The following CDAN1 variants were observed in gnomAD, a reference collection of about 807,000 sequenced individuals.
CDAN1 encodes codanin-1.
A neutral mutation model predicts 139.8 loss-of-function variants in CDAN1; 107 were observed. The observed-to-expected ratio is 0.77, with a 90% CI of 0.65 to 0.90. The LOEUF (loss-of-function observed/expected upper bound fraction) is 0.90. Ranked by LOEUF, CDAN1 falls within the 40% of genes least tolerant of loss-of-function variation. CDAN1 has a pLI of 0.00. For synonymous variants in CDAN1, 776 were observed against 660.6 expected (o/e 1.17, Z -2.68); for missense variants, 1,667 against 1,575.7 (o/e 1.06, Z -0.98).
Position 42,729,305 on chromosome 15 carries a change from C to T in CDAN1, c.2465G>A (p.Gly822Asp). Reference protein sequence around the residue: ...WVSGSSGRSGGFMRKITPTTT... With the variant: ...WVSGSSGRSGDFMRKITPTTT... Reference sequence around the variant, plus strand: ...GGTGGGGGTGATTTTCCTCATGAAGCCCCCACTCCGTCCACTACTGCCTGA... The same window carrying T: ...GGTGGGGGTGATTTTCCTCATGAAGTCCCCACTCCGTCCACTACTGCCTGA... The change falls in exon 18 of 28, where the codon GGC becomes GAC. Residue 822 changes from glycine to aspartate, a missense_variant. Coordinates refer to ENST00000356231, the MANE Select transcript of CDAN1 (RefSeq NM_138477.4). The T allele has an allele frequency of 6.2e-7, 1 of 1,614,014 alleles. No homozygotes were observed. Among genetic ancestry groups the T allele is most frequent in the Middle Eastern group, 1.6e-4 (1 of 6,062 alleles).
chr15:42,735,415 T>A, intron 4 of CDAN1, 41 bp from the exon 5 acceptor site: 1 of 1,592,010 alleles, frequency 6.3e-7, no homozygotes, highest in Non-Finnish European at 8.6e-7. Flanking sequence ...ATGGGCACCA[T>A]TTGGAGCCAA....
In CDAN1 at chr15:42,731,729, G is replaced by A. The variant is rs1360464156; in HGVS notation, c.1630C>T (p.Arg544Cys). The A allele has an allele frequency of 2.5e-6, 4 of 1,614,122 alleles. No individual in the cohort carries two copies. The highest frequency in any genetic ancestry group is 1.3e-5 in the African/African-American group (1 of 75,040). The change falls in exon 11 of 28, where the codon CGC (arginine) becomes TGC (cysteine). Residue 544 changes from arginine (R) to cysteine (C), a missense_variant. Coordinates refer to ENST00000356231, the MANE Select transcript of CDAN1 (RefSeq NM_138477.4). ...LGADKLGRLWRLQERLMAPQS... is the reference protein window; with the variant it reads ...LGADKLGRLWCLQERLMAPQS... ...GGAGCCATAAGCCGTTCCTGTAGGC[G>A]CCACAACCGCCCCAGCTTGTCAGCT...
At position 42,729,283 on chromosome 15, in the gene CDAN1, G is replaced by C; in HGVS notation, c.2487C>G (p.Pro829=). The C allele has an allele frequency of 6.2e-7, 1 of 1,613,944 alleles. No homozygotes were observed. The highest frequency in any genetic ancestry group is 8.5e-7 in the Non-Finnish European group (1 of 1,179,932). The change falls in exon 18 of 28, where the codon CCC becomes CCG. Residue 829 remains proline, a synonymous_variant. Coordinates refer to ENST00000356231, the MANE Select transcript of CDAN1 (RefSeq NM_138477.4). ...RSGGFMRKIT[P]TTTTSLGAQP... is the part of the protein sequence containing the mutation. Reference sequence around the variant, plus strand: ...GGGCTCCCAGGCTGGTGGTAGTGGTGGGGGTGATTTTCCTCATGAAGCCCC... The same window carrying C: ...GGGCTCCCAGGCTGGTGGTAGTGGTCGGGGTGATTTTCCTCATGAAGCCCC...
chr15:42,730,470 A>T, intron 14 of CDAN1, 128 bp downstream of exon 14: 2 of 1,148,760 alleles, frequency 1.7e-6, no homozygotes, highest in Non-Finnish European at 2.6e-6. Context: ...TGCCTCTCCC[A>T]GGGCTCAGTT....
intron 6 of CDAN1, 74 bp from the exon 7 acceptor site, chr15:42,734,420 CAG>C (rs2061659258): frequency 6.3e-7 from 1 of 1,588,224 alleles, no homozygotes; most frequent in East Asian, 2.2e-5. Flanking sequence ...CTGCACACCA[CAG>C]AGGATCTCTA....
At chr15:42,727,478 A>C (rs72713753) in intron 23 of CDAN1, 143 bp downstream of exon 23, 12 of 717,762 alleles carry the variant, frequency 1.7e-5, no homozygotes, top group Non-Finnish European at 2.7e-5. Context: ...ACCCCCATTC[A>C]GTAATGAGTG....
At chr15:42,725,372 AT>A in intron 26 of CDAN1, 116 bp downstream of exon 26, 1 of 1,487,432 alleles carries the variant, frequency 6.7e-7, no homozygotes. Context: ...AATGGAGCCC[AT>A]TTCTGTGTGG....
intron 10 of CDAN1, 89 bp from the exon 11 acceptor site, chr15:42,731,914 T>C: frequency 8.5e-7 from 1 of 1,169,800 alleles, no homozygotes; most frequent in Non-Finnish European, 1.3e-6. Context: ...GTAATGAACA[T>C]TTAAGGAATG....
At chr15:42,725,761 G>C in intron 25 of CDAN1, 91 bp from the exon 26 acceptor site, 1 of 1,353,412 alleles carries the variant, frequency 7.4e-7, no homozygotes, top group Non-Finnish European at 1.0e-6. Flanking sequence ...GGGAGGCTGA[G>C]GTGGGCAGAT....
intron 23 of CDAN1, 165 bp from the exon 24 acceptor site, chr15:42,726,582 T>C (rs1212237184): frequency 4.8e-6 from 3 of 619,110 alleles, no homozygotes; most frequent in Non-Finnish European, 8.7e-6. Context: ...GGCAGGATAA[T>C]ACAGCCAGGG....
rs1217040350 is a variant in CDAN1, at chr15:42,736,669, C to T, written c.202G>A (p.Gly68Arg). The stretch of plus-strand genomic sequence containing the variant: ...GGGGTCTTGGCGGGGGTCGGGGGCC[C>T]CTGCGGGAGGACGCGGCTGCTCTGC... ...REQSSRVLPQ[G>R]PPTPAKTPGA... The change falls in exon 2 of 28, where the codon GGG becomes AGG. Residue 68 changes from glycine to arginine, a missense_variant. By Grantham distance (125) the Gly-to-Arg change is moderately radical. Transcript: ENST00000356231. 6.5e-7 allele frequency: 1 copy of T among 1,544,282 alleles called. No homozygotes were observed. Among genetic ancestry groups the T allele is most frequent in the Non-Finnish European group, 8.7e-7 (1 of 1,147,386 alleles).
At position 42,726,065 on chromosome 15, in the gene CDAN1, C is replaced by T. The variant is rs1243278512; in HGVS notation, c.3268+32G>A. ...CAACCCTGAGATTTGGGGGATCAGG[C>T]AAGAGAGGGATTTGATGGAAAGCAA... On this transcript the variant is annotated intron_variant, in intron 25 of 27. Transcript: ENST00000356231. 4 of 1,599,992 alleles carry T rather than the reference C, an allele frequency of 2.5e-6. No homozygotes were observed. The Admixed American group carries it at 5.0e-5, about 20-fold the overall frequency.
chr15:42,725,653 T>C lies in CDAN1; in HGVS notation c.3286A>G (p.Ile1096Val), dbSNP rs750003869. 2.5e-6 allele frequency: 4 copies of C among 1,613,906 alleles called. No homozygotes were observed. The Admixed American group carries it at 5.0e-5, about 20-fold the overall frequency. The change falls in exon 26 of 28, where the codon ATC (isoleucine) becomes GTC (valine). Residue 1096 changes from isoleucine (I) to valine (V), a missense_variant. Around this residue, in one of 3 missense-constraint regions of CDAN1, gnomAD observed 936 missense variants for 844.1 expected, o/e 1.11. Coordinates refer to ENST00000356231, the MANE Select transcript of CDAN1 (RefSeq NM_138477.4). The part of the protein sequence containing the change: ...ASLLVADQIP[I>V]LGPPAQYRLE... ...CTGTACTGTGCCGGGGGCCCTAGGATAGGAATTTGATCTGCAACTGTGGAA... is the reference window on the plus strand; with the variant it reads ...CTGTACTGTGCCGGGGGCCCTAGGACAGGAATTTGATCTGCAACTGTGGAA...
At chr15:42,730,881 G>A (rs764580631) in intron 13 of CDAN1, 44 bp downstream of exon 13, 55 of 1,613,762 alleles carry the variant, frequency 3.4e-5, no homozygotes, top group East Asian at 2.2e-4. Flanking sequence ...GTGCCTGGCC[G>A]GTCCTCCCTG....
Position 42,724,283 on chromosome 15 carries a change from C to A in CDAN1, c.*208G>T. On this transcript the variant is annotated 3_prime_UTR_variant, in exon 28 of 28. Coordinates refer to ENST00000356231, the MANE Select transcript of CDAN1 (RefSeq NM_138477.4). ...CCAGGACTGGCATCTCTGGACTTTT[C>A]TGCCATAATCCCAAATCAGGCCAAC... 1 of 612,140 alleles carries A rather than the reference C, an allele frequency of 1.6e-6. No homozygotes were observed. Among genetic ancestry groups the A allele is most frequent in the Non-Finnish European group, 2.9e-6 (1 of 349,370 alleles). The allele number at this position is 612,140 out of a possible 1,614,324, so 37.9% of individuals were successfully genotyped here.
At position 42,730,914 on chromosome 15, in the gene CDAN1, C is replaced by A; in HGVS notation, c.2007+11G>T. 1 of 1,614,166 alleles carries A rather than the reference C, an allele frequency of 6.2e-7. No homozygotes were observed. The highest frequency in any genetic ancestry group is 8.5e-7 in the Non-Finnish European group (1 of 1,180,044). On this transcript the variant is annotated intron_variant, in intron 13 of 27. Coordinates refer to ENST00000356231, the MANE Select transcript of CDAN1 (RefSeq NM_138477.4). ...CTGCTCCCTCCTCACCAGAATCCCC[C>A]GCCCATTCACCTGGCTCCTGAGGGC...
At chr15:42,731,425 G>C (rs2061610284) in intron 11 of CDAN1, 94 bp from the exon 12 acceptor site, 2 of 1,556,594 alleles carry the variant, frequency 1.3e-6, no homozygotes, top group Non-Finnish European at 1.8e-6. Context: ...GGGAGCAGCA[G>C]GACAGACAGG....
intron 15 of CDAN1, 37 bp from the exon 16 acceptor site, chr15:42,729,922 A>ACGCCCCCCCCCCCCCCCCCCC: frequency 2.0e-6 from 3 of 1,513,178 alleles, no homozygotes; most frequent in Non-Finnish European, 1.8e-6. Context: ...AACTTCAGAG[A>ACGCCCCCCCCCCCCCCCCCCC]CCCCCACCCA....
intron 19 of CDAN1, 78 bp from the exon 20 acceptor site, chr15:42,728,888 A>C: frequency 1.2e-6 from 2 of 1,605,536 alleles, no homozygotes; most frequent in Non-Finnish European, 1.7e-6. Flanking sequence ...GAATTTGGTC[A>C]GAAATTTGCT....
Sources: allele counts gnomAD v4.1 joint callset, GRCh38; gene constraint gnomAD v4.1.1; regional missense constraint gnomAD v4.1.1; transcripts MANE v1.5; gene names NCBI Gene and HGNC (gene_info 2026-07-23, HGNC 2026-07-21).